Variants in NBEA observed in about 807,000 individuals in gnomAD.
NBEA encodes neurobeachin.
Under a neutral mutation model 343.4 loss-of-function variants are expected in NBEA, and 44 were observed. The observed-to-expected ratio is 0.13, with a 90% CI of 0.10 to 0.16. NBEA has a LOEUF of 0.16. Among genes scored for constraint, NBEA ranks in the 10% least tolerant of loss-of-function variants. NBEA has a pLI of 1.00. For synonymous variants in NBEA, 1,175 were observed against 1,238.7 expected (o/e 0.95, Z 1.08); for missense variants, 2,555 against 3,631.3 (o/e 0.70, Z 7.62).
intron 8 of NBEA, among the ~76,000 whole-genome samples, chr13:35,069,621 A>G (rs186799943): frequency 1.4e-4 from 21 of 152,238 alleles, no homozygotes; most frequent in Non-Finnish European, 2.9e-5. Flanking sequence ...GTAACATCCT[A>G]TTTATATATA....
intron 48 of NBEA, 148 bp downstream of exon 48, chr13:35,606,726 A>AGTAAAATGTTTTC: frequency 3.0e-6 from 2 of 669,782 alleles, no homozygotes; most frequent in Non-Finnish European, 4.4e-6. Flanking sequence ...AAAAGAAAAC[A>AGTAAAATGTTTTC]TTTTACTGTT....
intron 38 of NBEA, among the ~76,000 whole-genome samples, chr13:35,394,533 G>T (rs192725089): frequency 7.9e-5 from 12 of 151,958 alleles, no homozygotes; most frequent in South Asian, 2.1e-4. Flanking sequence ...CAAATACAAA[G>T]AATTAATATA....
At chr13:35,085,581 C>G (rs990882505) in intron 10 of NBEA, among the ~76,000 whole-genome samples, 5 of 152,024 alleles carry the variant, frequency 3.3e-5, no homozygotes, top group Non-Finnish European at 4.4e-5. Flanking sequence ...TGGGACATAT[C>G]TTAAAATAAT....
intron 34 of NBEA, among the ~76,000 whole-genome samples, chr13:35,271,264 C>G (rs191217413): frequency 2.5e-4 from 38 of 152,336 alleles, no homozygotes; most frequent in African/African-American, 8.4e-4. Flanking sequence ...AGCTGAGGGA[C>G]CTGACTGTTA....
intron 34 of NBEA, among the ~76,000 whole-genome samples, chr13:35,273,170 A>C (rs2034303196): frequency 6.6e-6 from 1 of 152,328 alleles, no homozygotes; most frequent in South Asian, 2.1e-4. Flanking sequence ...ACCACAGTGC[A>C]ATCAAATTAG....
At chr13:35,177,806 C>T (rs17051901) in intron 28 of NBEA, among the ~76,000 whole-genome samples, 16,256 of 151,460 alleles carry the variant, frequency 0.11, 1,050 homozygotes, top group African/African-American at 0.17. Flanking sequence ...TGATTCTTAT[C>T]TAGTTGTTGA....
At chr13:35,455,713 G>T (rs2046549639) in intron 40 of NBEA, among the ~76,000 whole-genome samples, 1 of 152,058 alleles carries the variant, frequency 6.6e-6, no homozygotes, top group Non-Finnish European at 1.5e-5. Flanking sequence ...AGCTTTGTGT[G>T]CAGTAACCCA....
chr13:35,232,672 C>A, intron 34 of NBEA, 53 bp downstream of exon 34: 1 of 1,278,378 alleles, frequency 7.8e-7, no homozygotes, highest in Non-Finnish European at 1.0e-6. Context: ...ATGTATTAAT[C>A]ATGGCATAAT....
intron 40 of NBEA, among the ~76,000 whole-genome samples, chr13:35,469,099 C>CAAAAAA (rs34222156): frequency 3.5e-5 from 3 of 84,996 alleles, no homozygotes; most frequent in African/African-American, 1.5e-4. Flanking sequence ...GACTCTATCT[C>CAAAAAA]AAAAAAAAAA....
chr13:35,244,910 G>C (rs923867352), intron 34 of NBEA, among the ~76,000 whole-genome samples: 2 of 152,042 alleles, frequency 1.3e-5, no homozygotes, highest in Non-Finnish European at 2.9e-5. Flanking sequence ...CCTGGTCACT[G>C]TTGGTGTATA....
chr13:35,625,377 G>A (rs186757176), intron 48 of NBEA, among the ~76,000 whole-genome samples: 2 of 152,146 alleles, frequency 1.3e-5, no homozygotes, highest in Non-Finnish European at 2.9e-5. Flanking sequence ...AGCACTTTGG[G>A]AGGCCGAGGC....
At position 34,942,812 on chromosome 13, in the gene NBEA, G is replaced by A. The variant is rs989344780; in HGVS notation, c.-9G>A. On this transcript the variant is annotated 5_prime_UTR_variant, in exon 1 of 59. Coordinates refer to ENST00000379939, the MANE Select transcript of NBEA (RefSeq NM_001385012.1). Reference sequence around the variant, plus strand: ...CGCTGCTCTTCCCTTCTCCTCAGGAGGGGGGCCAATGGCTAGCGAGAAGCC... The same window carrying A: ...CGCTGCTCTTCCCTTCTCCTCAGGAAGGGGGCCAATGGCTAGCGAGAAGCC... The A allele has an allele frequency of 2.9e-6, 4 of 1,360,764 alleles. No individual in the cohort carries two copies. Among genetic ancestry groups the A allele is most frequent in the Non-Finnish European group, 3.8e-6 (4 of 1,057,724 alleles). 84.3% of individuals were successfully genotyped at this position (1,360,764 alleles called of 1,614,324 possible). A position where few individuals can be genotyped will look rare whatever the true frequency, so the allele number is the denominator to read the frequency against.
At chr13:35,251,666 C>T (rs1204316661) in intron 34 of NBEA, 20 of 719,004 alleles carry the variant, frequency 2.8e-5, no homozygotes, top group Non-Finnish European at 1.5e-5. Flanking sequence ...AAAGAGGCGG[C>T]TATCATCTCT....
intron 46 of NBEA, among the ~76,000 whole-genome samples, chr13:35,584,459 CA>C (rs1426222348): frequency 6.6e-6 from 1 of 151,632 alleles, no homozygotes; most frequent in African/African-American, 2.4e-5. Context: ...ACTAGAACTA[CA>C]GGCATGTAAC....
intron 41 of NBEA, chr13:35,474,771 C>G: frequency 3.0e-6 from 1 of 328,640 alleles, no homozygotes; most frequent in East Asian, 5.6e-5. Context: ...GGCGTTACAG[C>G]TGGGCTGTTT....
At chr13:35,498,710 A>C (rs1381473) in intron 41 of NBEA, among the ~76,000 whole-genome samples, 148,956 of 152,180 alleles carry the variant, frequency 0.98, 72,983 homozygotes, top group East Asian at 1. Flanking sequence ...TTTAAAAATA[A>C]TAAAATCATA....
chr13:34,989,314 C>A (rs2060666189), intron 1 of NBEA, among the ~76,000 whole-genome samples: 1 of 150,880 alleles, frequency 6.6e-6, no homozygotes, highest in Non-Finnish European at 1.5e-5. Context: ...TAAGTAACTA[C>A]AAGAGACTGG....
intron 30 of NBEA, among the ~76,000 whole-genome samples, chr13:35,192,147 T>G (rs1458527358): frequency 1.3e-5 from 2 of 152,036 alleles, no homozygotes; most frequent in Non-Finnish European, 2.9e-5. Flanking sequence ...ATGCCTGTGA[T>G]TAATATAACC....
At chr13:35,517,289 G>A (rs969038996) in intron 41 of NBEA, among the ~76,000 whole-genome samples, 1 of 152,070 alleles carries the variant, frequency 6.6e-6, no homozygotes, top group Non-Finnish European at 1.5e-5. Flanking sequence ...CTCTGCCATA[G>A]AGATCTAATT....
Sources: allele counts gnomAD v4.1 joint callset (sites outside exome capture counted in the v4.1 genomes callset), GRCh38; gene constraint gnomAD v4.1.1; transcripts MANE v1.5; gene names NCBI Gene and HGNC (gene_info 2026-07-23, HGNC 2026-07-21).